The following IL17RC variants were observed in gnomAD, a reference collection of about 807,000 sequenced individuals.
The protein encoded by IL17RC is interleukin 17 receptor C.
In IL17RC, 53 loss-of-function variants were observed where a neutral mutation model predicts 86.7. The observed-to-expected ratio is 0.61, with a 90% CI of 0.49 to 0.77. The LOEUF (loss-of-function observed/expected upper bound fraction) is 0.77. Ranked by LOEUF, IL17RC falls within the 30% of genes least tolerant of loss-of-function variation. The probability of loss-of-function intolerance (pLI) is 0.00; values close to 1 mark genes in which losing one functional copy is unlikely to be tolerated. For synonymous variants in IL17RC, 439 were observed against 413.1 expected (o/e 1.06, Z -0.76); for missense variants, 957 against 940.0 (o/e 1.02, Z -0.24).
At chr3:9,917,666 T>G (rs1336574407) in intron 1 of IL17RC, 47 bp from the exon 2 acceptor site, 1 of 1,613,854 alleles carries the variant, frequency 6.2e-7, no homozygotes, top group East Asian at 2.2e-5. Flanking sequence ...GAACAGTGCC[T>G]AGATGGTGGG....
Position 9,930,717 on chromosome 3 carries a change from A to G in IL17RC, c.1339-178A>G, listed in dbSNP as rs977183346. On this transcript the variant is annotated intron_variant, in intron 15 of 18. Transcript: ENST00000403601. The surrounding 1 kb of genome is among the most constrained non-coding windows in gnomAD (Gnocchi z 5.8). ...TTTCTTCCTATAAGCCAGATTTGGT[A>G]TGGAAGAAGTCATACCCTAGTCAGT... is the stretch of plus-strand genomic sequence containing the variant. 1 of 704,228 alleles carries G rather than the reference A, an allele frequency of 1.4e-6. No individual in the cohort carries two copies. 43.6% of individuals were successfully genotyped at this position (704,228 alleles called of 1,614,324 possible).
At chr3:9,926,622 T>G (rs974958719) in intron 9 of IL17RC, among the ~76,000 whole-genome samples, 1 of 152,020 alleles carries the variant, frequency 6.6e-6, no homozygotes, top group Admixed American at 6.6e-5. Flanking sequence ...TTGTTTTTTT[T>G]TTGTTTTTTT....
chr3:9,932,583 A>C (rs2084846358), intron 16 of IL17RC, 25 bp from the exon 17 acceptor site: 1 of 1,604,138 alleles, frequency 6.2e-7, no homozygotes, highest in Non-Finnish European at 8.5e-7. Context: ...GTAAGTTTCT[A>C]ACTCTTCTTC....
chr3:9,933,571 C>G lies in IL17RC; in HGVS notation c.2141C>G (p.Pro714Arg). Residue 714 changes from proline (P) to arginine (R), a missense_variant, in exon 19 of 19, where the codon CCT (proline) becomes CGT (arginine). Coordinates refer to ENST00000403601, the MANE Select transcript of IL17RC (RefSeq NM_153460.4). ...PGRGVGPGAG[P>R]GAGDGT ...CGCGGGGTGGGACCAGGCGCGGGAC[C>G]TGGGGCGGGGGACGGGACTTAAATA... 1.2e-6 allele frequency: 2 copies of G among 1,601,254 alleles called. No individual in the cohort carries two copies. The highest frequency in any genetic ancestry group is 1.7e-6 in the Non-Finnish European group (2 of 1,174,480).
chr3:9,918,662 T>C, intron 5 of IL17RC, 53 bp downstream of exon 5: 2 of 1,199,882 alleles, frequency 1.7e-6, no homozygotes, highest in Non-Finnish European at 2.5e-6. Flanking sequence ...TAAAACTTTT[T>C]CACATGCATT....
At chr3:9,918,291 G>A in intron 3 of IL17RC, 44 bp from the exon 4 acceptor site, 1 of 1,523,102 alleles carries the variant, frequency 6.6e-7, no homozygotes, top group Non-Finnish European at 8.9e-7. Flanking sequence ...AGCCAGCCCA[G>A]AGCAGGGGGC....
In IL17RC at chr3:9,920,522, C is replaced by T. The variant is rs770092351; in HGVS notation, c.497C>T (p.Ala166Val). The T allele has an allele frequency of 1.6e-5, 26 of 1,606,174 alleles. No individual in the cohort carries two copies. Among genetic ancestry groups the T allele is most frequent in the Non-Finnish European group, 1.8e-5 (21 of 1,175,598 alleles). ...GSVVYDCFEA[A>V]LGSEVRIWSY... is the part of the protein sequence containing the mutation. ...GTGGTATATGACTGCTTCGAGGCTG[C>T]CCTAGGGAGTGAGGTACGAATCTGG... The change falls in exon 6 of 19, where the codon GCC becomes GTC. Residue 166 changes from alanine to valine, a missense_variant. Ala to Val is a moderately conservative substitution (Grantham distance 64). Coordinates refer to ENST00000403601, the MANE Select transcript of IL17RC (RefSeq NM_153460.4).
chr3:9,923,848 T>G, intron 7 of IL17RC, 33 bp from the exon 8 acceptor site: 3 of 1,611,342 alleles, frequency 1.9e-6, no homozygotes, highest in Non-Finnish European at 2.5e-6. Context: ...GGTGAGGAAG[T>G]CTAAGCTGCG....
In IL17RC at chr3:9,933,483, T is replaced by A; in HGVS notation, c.2053T>A (p.Ser685Thr). The change falls in exon 19 of 19, where the codon TCC becomes ACC. Residue 685 changes from serine to threonine, a missense_variant. By Grantham distance (58) the Ser-to-Thr change is moderately conservative. Transcript: ENST00000403601. ...GRLQERAEQV[S>T]RALQPALDSY... Reference sequence around the variant, plus strand: ...GCTCCAAGAGAGAGCGGAGCAAGTGTCCCGGGCCCTTCAGCCAGCCCTGGA... The same window carrying A: ...GCTCCAAGAGAGAGCGGAGCAAGTGACCCGGGCCCTTCAGCCAGCCCTGGA... 2 of 1,612,148 alleles carry A rather than the reference T, an allele frequency of 1.2e-6. No homozygotes were observed. Among genetic ancestry groups the A allele is most frequent in the Non-Finnish European group, 1.7e-6 (2 of 1,179,570 alleles).
At position 9,930,382 on chromosome 3, in the gene IL17RC, C is replaced by T. The variant is rs753688804; in HGVS notation, c.1279-18C>T. ...TGCTACCTCCAGGTAACAGTGCCCCCATCCTTTGGCTTGGCAGAGGGCAGC... is the reference window on the plus strand; with the variant it reads ...TGCTACCTCCAGGTAACAGTGCCCCTATCCTTTGGCTTGGCAGAGGGCAGC... On this transcript the variant is annotated intron_variant, in intron 14 of 18. Transcript: ENST00000403601. This position sits in a 1 kb window ranked among gnomAD's most constrained non-coding sequence, Gnocchi z 5.8. 111 of 1,613,742 alleles carry T rather than the reference C, an allele frequency of 6.9e-5. No homozygotes were observed. In the Admixed American group the frequency reaches 1.8e-3, roughly 26 times the overall value.
rs757962513 is a variant in IL17RC at position 9,932,615 on chromosome 3, C to T, written c.1395C>T (p.His465=). 2 of 1,614,130 alleles carry T rather than the reference C, an allele frequency of 1.2e-6. No homozygotes were observed. The highest frequency in any genetic ancestry group is 2.2e-5 in the South Asian group (2 of 91,084). ...CTTCTCTGGGTCTCCCAGACATCCA[C>T]AAGCGCTGGGCCCTCGTGTGGCTGG... ...LWACPMDKYI[H]KRWALVWLAC... is the part of the protein sequence containing the mutation. Residue 465 remains histidine (H), a synonymous_variant, in exon 17 of 19, where the codon CAC becomes CAT. Coordinates refer to ENST00000403601, the MANE Select transcript of IL17RC (RefSeq NM_153460.4).
In IL17RC at chr3:9,930,664, G is replaced by A; in HGVS notation, c.1338+205G>A. 2 of 676,458 alleles carry A rather than the reference G, an allele frequency of 3.0e-6. No homozygotes were observed. The highest frequency in any genetic ancestry group is 5.1e-6 in the Non-Finnish European group (2 of 391,366). The allele number at this position is 676,458 out of a possible 1,614,324, so 41.9% of individuals were successfully genotyped here. On this transcript the variant is annotated intron_variant, in intron 15 of 18. Transcript: ENST00000403601. This position sits in a 1 kb window ranked among gnomAD's most constrained non-coding sequence, Gnocchi z 5.8. ...ACCACACCTACAGGTGCTAAGTTTT[G>A]GGTTCCAGGGAGAGCTTCCGGGAAG...
At chr3:9,929,817 T>C in intron 12 of IL17RC, 35 bp from the exon 13 acceptor site, 3 of 1,613,904 alleles carry the variant, frequency 1.9e-6, no homozygotes, top group Non-Finnish European at 2.5e-6. Context: ...CTTTTGCTTT[T>C]CTTAGTGGCC....
chr3:9,928,925 C>A (rs2084374393), intron 12 of IL17RC: 2 of 412,996 alleles, frequency 4.8e-6, no homozygotes, highest in Non-Finnish European at 8.6e-6. Flanking sequence ...ACTAAATGCT[C>A]CATAAATGTA....
intron 1 of IL17RC, 104 bp downstream of exon 1, chr3:9,917,524 C>G: frequency 6.2e-7 from 1 of 1,613,070 alleles, no homozygotes; most frequent in Non-Finnish European, 8.5e-7. Flanking sequence ...GCCAGAACTG[C>G]CCTGTCTGGT....
chr3:9,927,498 T>C (rs764803526), intron 9 of IL17RC, among the ~76,000 whole-genome samples: 2 of 152,110 alleles, frequency 1.3e-5, no homozygotes, highest in Non-Finnish European at 2.9e-5. Context: ...GCGGAGGTTG[T>C]GGTGAGCTGA....
chr3:9,933,159 G>C lies in IL17RC; in HGVS notation c.1729G>C (p.Val577Leu). Residue 577 changes from valine (V) to leucine (L), a missense_variant, in exon 19 of 19, where the codon GTG becomes CTG. Coordinates refer to ENST00000403601, the MANE Select transcript of IL17RC (RefSeq NM_153460.4). ...RRQTLQEGGV[V>L]VLLFSPGAVA... ...CCAGACCCTGCAGGAGGGCGGCGTG[G>C]TGGTCTTGCTCTTCTCTCCCGGTGC... 3.1e-6 allele frequency: 5 copies of C among 1,605,360 alleles called. No individual in the cohort carries two copies. The highest frequency in any genetic ancestry group is 1.7e-4 in the Middle Eastern group (1 of 6,014).
At chr3:9,924,338 A>G (rs2083866450) in intron 9 of IL17RC, 47 bp downstream of exon 9, 1 of 1,562,544 alleles carries the variant, frequency 6.4e-7, no homozygotes. Flanking sequence ...TGGGAAGATG[A>G]TGATGGGGGT....
chr3:9,925,741 A>C (rs186431846), intron 9 of IL17RC, among the ~76,000 whole-genome samples: 43 of 151,372 alleles, frequency 2.8e-4, no homozygotes, highest in Admixed American at 7.9e-4. Flanking sequence ...ATTACCTCAA[A>C]TGCCCTCACC....
Sources: gnomAD v4.1 joint callset for allele counts (sites outside exome capture counted in the v4.1 genomes callset) on GRCh38, gnomAD v4.1.1 for gene constraint, Gnocchi (gnomAD v3.1) non-coding constraint, MANE v1.5 for transcripts, NCBI Gene and HGNC (gene_info 2026-07-23, HGNC 2026-07-21) for gene names.